The following RBFOX1 variants were observed in gnomAD, a reference collection of about 807,000 sequenced individuals.
RBFOX1 encodes RNA binding protein fox-1 homolog 1.
A neutral mutation model predicts 57.7 loss-of-function variants in RBFOX1; 8 were observed. The ratio of observed to expected loss-of-function variants is 0.14; its 90% CI spans 0.08 to 0.25. The LOEUF is 0.25. Among genes scored for constraint, RBFOX1 ranks in the 10% least tolerant of loss-of-function variants. RBFOX1 has a pLI of 1.00. For missense variants in RBFOX1, 611 were observed against 548.5 expected (o/e 1.11, Z -1.14); for synonymous variants, 326 against 222.4 (o/e 1.47, Z -4.15).
intron 4 of RBFOX1, among the ~76,000 whole-genome samples, chr16:7,218,145 C>G (rs904694272): frequency 6.6e-6 from 1 of 152,042 alleles, no homozygotes; most frequent in Non-Finnish European, 1.5e-5. Context: ...ATCATCCCAC[C>G]TTGCTGACTC....
At chr16:6,950,469 T>A (rs1390927944) in intron 3 of RBFOX1, among the ~76,000 whole-genome samples, 1 of 152,144 alleles carries the variant, frequency 6.6e-6, no homozygotes, top group African/African-American at 2.4e-5. Context: ...ACAGAGTAGA[T>A]GTTTGATAAA....
chr16:5,962,675 GA>G (rs1425835137), intron 4 of RBFOX1, among the ~76,000 whole-genome samples: 2 of 152,136 alleles, frequency 1.3e-5, no homozygotes, highest in African/African-American at 4.8e-5. Context: ...ACAGATCGTA[GA>G]AGGTGACTAT....
At chr16:6,261,495 T>C (rs1200986479) in intron 1 of RBFOX1, among the ~76,000 whole-genome samples, 1 of 152,184 alleles carries the variant, frequency 6.6e-6, no homozygotes. Flanking sequence ...TTATTATGAC[T>C]GTACAGCAGA....
intron 4 of RBFOX1, among the ~76,000 whole-genome samples, chr16:5,967,710 A>G (rs986231978): frequency 3.3e-5 from 5 of 152,148 alleles, no homozygotes; most frequent in Non-Finnish European, 7.3e-5. Context: ...TCCTGCTTGT[A>G]AAGGACACAG....
At chr16:5,253,972 T>C (rs537264638) in intron 1 of RBFOX1, among the ~76,000 whole-genome samples, 1 of 139,034 alleles carries the variant, frequency 7.2e-6, no homozygotes, top group South Asian at 2.3e-4. Flanking sequence ...TGACACCAGG[T>C]ACCTCTCTGT....
chr16:6,244,588 T>G (rs2097558771), intron 1 of RBFOX1, among the ~76,000 whole-genome samples: 1 of 152,118 alleles, frequency 6.6e-6, no homozygotes, highest in Admixed American at 6.6e-5. Context: ...ACTGCAATGT[T>G]CGCCTCTTGG....
rs140918148 is a variant in RBFOX1 at position 6,937,512 on chromosome 16, A to G, written c.-15-114545A>G. 1.2e-3 allele frequency among the ~76,000 whole-genome samples: 180 copies of G among 152,266 alleles called. 2 individuals are homozygous for G. The highest frequency in any genetic ancestry group is 4.1e-3 in the African/African-American group (169 of 41,562). ...TGAGTGACATAGGAGTGACACAGAC[A>G]TCAGGAGATCCTGAGAACACACACC... On this transcript the variant is annotated intron_variant, in intron 3 of 15. Coordinates refer to ENST00000550418, the MANE Select transcript of RBFOX1 (RefSeq NM_018723.4).
intron 10 of RBFOX1, among the ~76,000 whole-genome samples, chr16:7,622,567 G>A (rs1166406471): frequency 2.0e-5 from 3 of 151,970 alleles, no homozygotes; most frequent in Admixed American, 6.6e-5. Context: ...TTTCCAAAAA[G>A]TCTCAAGTTA....
At chr16:5,339,278 G>A (rs763744025) in intron 1 of RBFOX1, among the ~76,000 whole-genome samples, 24 of 151,798 alleles carry the variant, frequency 1.6e-4, no homozygotes, top group Non-Finnish European at 2.4e-4. Context: ...GTCTGCCCCC[G>A]CTGCCGCTTG....
At chr16:5,979,524 C>T (rs1055597905) in intron 4 of RBFOX1, among the ~76,000 whole-genome samples, 23 of 152,188 alleles carry the variant, frequency 1.5e-4, no homozygotes, top group African/African-American at 3.4e-4. Flanking sequence ...GTATTGCCCT[C>T]ATGTAATCCT....
At chr16:6,758,156 C>T (rs7188565) in intron 3 of RBFOX1, among the ~76,000 whole-genome samples, 53,101 of 151,758 alleles carry the variant, frequency 0.35, 9,422 homozygotes, top group Middle Eastern at 0.39. Flanking sequence ...GGTCAGACTT[C>T]AGGTACTGTC....
intron 3 of RBFOX1, among the ~76,000 whole-genome samples, chr16:6,863,730 T>TA (rs746995482): frequency 0.024 from 1,561 of 65,562 alleles, 57 homozygotes; most frequent in Non-Finnish European, 0.043. Flanking sequence ...CTGCGCTTTT[T>TA]TTTTTTTTTT....
intron 2 of RBFOX1, among the ~76,000 whole-genome samples, chr16:6,530,506 G>C (rs1471108451): frequency 6.6e-6 from 1 of 152,140 alleles, no homozygotes; most frequent in Non-Finnish European, 1.5e-5. Context: ...AACTATCACA[G>C]ATACCTCAAA....
chr16:6,637,932 C>G (rs2098458575), intron 2 of RBFOX1, among the ~76,000 whole-genome samples: 1 of 152,060 alleles, frequency 6.6e-6, no homozygotes, highest in Non-Finnish European at 1.5e-5. Flanking sequence ...GTTAAAATGA[C>G]AAAGTCTCTG....
chr16:7,331,747 C>T (rs2096699937), intron 4 of RBFOX1, among the ~76,000 whole-genome samples: 1 of 152,096 alleles, frequency 6.6e-6, no homozygotes, highest in East Asian at 1.9e-4. Context: ...TGTTCAAGAT[C>T]ACACAGCTAG....
intron 4 of RBFOX1, among the ~76,000 whole-genome samples, chr16:5,995,733 C>G (rs568150920): frequency 1.1e-4 from 16 of 152,210 alleles, no homozygotes; most frequent in African/African-American, 3.9e-4. Context: ...GTTCCTGGGG[C>G]TCTTAGATCA....
At chr16:7,468,423 A>G (rs975830164) in intron 4 of RBFOX1, among the ~76,000 whole-genome samples, 4 of 151,452 alleles carry the variant, frequency 2.6e-5, no homozygotes, top group African/African-American at 9.7e-5. Context: ...ACTTGCACTC[A>G]ACATGCCGCT....
intron 2 of RBFOX1, among the ~76,000 whole-genome samples, chr16:6,641,829 C>G (rs1203740466): frequency 6.7e-6 from 1 of 150,114 alleles, no homozygotes; most frequent in Non-Finnish European, 1.5e-5. Flanking sequence ...CTGGGACTTG[C>G]TCCCTCCTCG....
At chr16:6,982,432 T>C (rs2089172192) in intron 3 of RBFOX1, among the ~76,000 whole-genome samples, 1 of 152,188 alleles carries the variant, frequency 6.6e-6, no homozygotes, top group African/African-American at 2.4e-5. Context: ...CAGTCATGTC[T>C]ACTTAAGTCC....
Sources: allele counts gnomAD v4.1 joint callset (sites outside exome capture counted in the v4.1 genomes callset), GRCh38; gene constraint gnomAD v4.1.1; transcripts MANE v1.5; gene names NCBI Gene and HGNC (gene_info 2026-07-23, HGNC 2026-07-21).